The following ABLIM2 variants were observed in gnomAD, a reference collection of about 807,000 sequenced individuals.
ABLIM2 encodes actin-binding LIM protein 2.
Under a neutral mutation model 97.7 loss-of-function variants are expected in ABLIM2, and 53 were observed. That is an observed-to-expected ratio of 0.54 (90% CI 0.44 to 0.68). ABLIM2 has a LOEUF of 0.68. Among genes scored for constraint, ABLIM2 ranks in the 30% least tolerant of loss-of-function variants. The probability of loss-of-function intolerance (pLI) is 0.00; values close to 1 mark genes in which losing one functional copy is unlikely to be tolerated. For missense variants in ABLIM2, 835 were observed against 867.2 expected (o/e 0.96, Z 0.47); for synonymous variants, 361 against 345.8 (o/e 1.04, Z -0.49).
In ABLIM2 at chr4:8,036,155, G is replaced by A. The variant is rs185186442; in HGVS notation, c.1041C>T (p.Tyr347=). 22 of 1,613,774 alleles carry A rather than the reference G, an allele frequency of 1.4e-5. No individual in the cohort carries two copies. Among genetic ancestry groups the A allele is most frequent in the Admixed American group, 8.3e-5 (5 of 60,000 alleles). Residue 347 remains tyrosine, a synonymous_variant, in exon 10 of 21, where the codon TAC becomes TAT. Transcript: ENST00000447017. ...ISHSAGDRQS[Y]GEGDQDDRSY... ...ATGTGGGCAGGGTCCATACCTCGCC[G>A]TAGCTCTGCCTGTCCCCTGCAGAGT...
chr4:8,136,939 G>C (rs1054724295), intron 1 of ABLIM2, among the ~76,000 whole-genome samples: 33 of 152,216 alleles, frequency 2.2e-4, no homozygotes, highest in Non-Finnish European at 1.0e-4. Context: ...ACAAGGCAAT[G>C]TATTAGGAGC....
At chr4:8,080,644 G>A (rs1577331853) in intron 5 of ABLIM2, 32 bp downstream of exon 5, 1 of 1,563,922 alleles carries the variant, frequency 6.4e-7, no homozygotes, top group Non-Finnish European at 8.7e-7. Context: ...AGCCTGAGCG[G>A]AGGCTCTCAC....
chr4:8,080,339 G>A (rs141930164), intron 5 of ABLIM2, among the ~76,000 whole-genome samples: 2 of 152,320 alleles, frequency 1.3e-5, no homozygotes, highest in South Asian at 4.1e-4. Flanking sequence ...ATCCCATGGG[G>A]ATGGTGGAGG....
intron 14 of ABLIM2, among the ~76,000 whole-genome samples, chr4:8,018,422 C>A (rs1042036888): frequency 6.6e-6 from 1 of 152,210 alleles, no homozygotes; most frequent in African/African-American, 2.4e-5. Flanking sequence ...TGGACAATTT[C>A]TAAGGGCCCT....
rs1483094527 is a variant in ABLIM2 at position 8,155,376 on chromosome 4, C to T, written c.10+3304G>A. ...CAGTCTGGGGACTAGGGCTCAGGTT[C>T]GGGCTCTGCCACATCCTCTCCTTGG... On this transcript the variant is annotated intron_variant, in intron 1 of 20. Coordinates refer to ENST00000447017, the MANE Select transcript of ABLIM2 (RefSeq NM_001130083.2). This position sits in a 1 kb window ranked among gnomAD's most constrained non-coding sequence, Gnocchi z 4.2. 2.0e-5 allele frequency among the ~76,000 whole-genome samples: 3 copies of T among 152,178 alleles called. No individual in the cohort carries two copies. Among genetic ancestry groups the T allele is most frequent in the Non-Finnish European group, 2.9e-5 (2 of 68,036 alleles).
At chr4:8,079,569 G>T (rs1183298991) in intron 5 of ABLIM2, among the ~76,000 whole-genome samples, 1 of 152,192 alleles carries the variant, frequency 6.6e-6, no homozygotes, top group African/African-American at 2.4e-5. Context: ...ATGTCTTGAA[G>T]ATCATTGCAG....
chr4:8,102,571 A>G (rs976218756), intron 2 of ABLIM2, among the ~76,000 whole-genome samples: 5 of 152,150 alleles, frequency 3.3e-5, no homozygotes, highest in African/African-American at 1.2e-4. Flanking sequence ...ACTTAGAAAA[A>G]CTGGGTTGAG....
Position 7,986,967 on chromosome 4 carries a change from G to A in ABLIM2, c.1681-2074C>T, listed in dbSNP as rs1457320777. 3.9e-5 allele frequency among the ~76,000 whole-genome samples: 6 copies of A among 152,076 alleles called. No homozygotes were observed. Among genetic ancestry groups the A allele is most frequent in the South Asian group, 2.1e-4 (1 of 4,824 alleles). Reference sequence around the variant, plus strand: ...ATTATAGGCATAAGCCACTGCGCCCGGTCATGCAAATAATTTTTAATTTTT... The same window carrying A: ...ATTATAGGCATAAGCCACTGCGCCCAGTCATGCAAATAATTTTTAATTTTT... On this transcript the variant is annotated intron_variant, in intron 17 of 20. Transcript: ENST00000447017. This position sits in a 1 kb window ranked among gnomAD's most constrained non-coding sequence, Gnocchi z 4.3.
rs572076913 is a variant in ABLIM2 at position 8,072,926 on chromosome 4, A to C, written c.675+4702T>G. ...TTAAAGGCCTTAGGGTTTCCTGCAC[A>C]CAAAGCCCCCGGATCTGCAGAAGAG... On this transcript the variant is annotated intron_variant, in intron 6 of 20. Coordinates refer to ENST00000447017, the MANE Select transcript of ABLIM2 (RefSeq NM_001130083.2). This position sits in a 1 kb window ranked among gnomAD's most constrained non-coding sequence, Gnocchi z 5.8. Among the ~76,000 whole-genome samples the C allele has an allele frequency of 1.3e-5, 2 of 152,160 alleles. No individual in the cohort carries two copies. The highest frequency in any genetic ancestry group is 1.5e-5 in the Non-Finnish European group (1 of 68,026).
intron 3 of ABLIM2, among the ~76,000 whole-genome samples, chr4:8,094,308 C>T (rs1830297082): frequency 6.6e-6 from 1 of 152,154 alleles, no homozygotes; most frequent in African/African-American, 2.4e-5. Flanking sequence ...ATTGCTGCAG[C>T]AGGACAAGCC....
chr4:8,105,949 T>G (rs1465527715), intron 2 of ABLIM2, among the ~76,000 whole-genome samples: 2 of 152,124 alleles, frequency 1.3e-5, no homozygotes, highest in East Asian at 3.8e-4. Flanking sequence ...TTTTTTTTTG[T>G]TTTCCTTTTT....
chr4:8,105,456 G>C (rs1253132528), intron 2 of ABLIM2, among the ~76,000 whole-genome samples: 3 of 152,220 alleles, frequency 2.0e-5, no homozygotes, highest in Admixed American at 6.5e-5. Flanking sequence ...AGCCTTTGTG[G>C]AGCGGATGAA....
chr4:8,108,167 T>A (rs1838390944), intron 1 of ABLIM2, among the ~76,000 whole-genome samples: 1 of 152,234 alleles, frequency 6.6e-6, no homozygotes, highest in Non-Finnish European at 1.5e-5. Context: ...GTGGTCAACC[T>A]GTCAGATAGG....
At chr4:8,051,196 G>A (rs1160387059) in intron 8 of ABLIM2, among the ~76,000 whole-genome samples, 1 of 152,220 alleles carries the variant, frequency 6.6e-6, no homozygotes, top group African/African-American at 2.4e-5. Flanking sequence ...ACCTGGCTGT[G>A]GCCGCGGAGC....
rs182229305 is a variant in ABLIM2 at position 8,001,399 on chromosome 4, G to T, written c.1618+6660C>A. 6.6e-6 allele frequency among the ~76,000 whole-genome samples: 1 copy of T among 152,226 alleles called. No individual in the cohort carries two copies. The highest frequency in any genetic ancestry group is 6.5e-5 in the Admixed American group (1 of 15,302). On this transcript the variant is annotated intron_variant, in intron 16 of 20. Coordinates refer to ENST00000447017, the MANE Select transcript of ABLIM2 (RefSeq NM_001130083.2). The surrounding 1 kb of genome is among the most constrained non-coding windows in gnomAD (Gnocchi z 4.2). ...GGGCAGGGGGAGGTGTGGGGATTCC[G>T]GCTGAAGGCTAGTCCCCAGGCAACC... is the stretch of plus-strand genomic sequence containing the variant.
rs1850825772 is a variant in ABLIM2, at chr4:8,140,571, C to T, written c.10+18109G>A. Among the ~76,000 whole-genome samples the T allele has an allele frequency of 6.6e-6, 1 of 152,146 alleles. No homozygotes were observed. Reference sequence around the variant, plus strand: ...CCTCTCTTTAACCGGCTTCAATGCCCCTTCAAAAACAAACGCGCATTCTGT... The same window carrying T: ...CCTCTCTTTAACCGGCTTCAATGCCTCTTCAAAAACAAACGCGCATTCTGT... On this transcript the variant is annotated intron_variant, in intron 1 of 20. Transcript: ENST00000447017. The surrounding 1 kb of genome is among the most constrained non-coding windows in gnomAD (Gnocchi z 5.9).
chr4:8,135,859 G>A (rs1388917842), intron 1 of ABLIM2, among the ~76,000 whole-genome samples: 1 of 152,226 alleles, frequency 6.6e-6, no homozygotes, highest in African/African-American at 2.4e-5. Flanking sequence ...CTTCACAGGT[G>A]GTGAAGAGCC....
At chr4:8,117,938 C>A (rs1843517325) in intron 1 of ABLIM2, among the ~76,000 whole-genome samples, 1 of 152,252 alleles carries the variant, frequency 6.6e-6, no homozygotes, top group Non-Finnish European at 1.5e-5. Flanking sequence ...TCAAGGGAAT[C>A]AAGCCCCACA....
rs999947551 is a variant in ABLIM2, at chr4:8,058,407, C to T, written c.763+2560G>A. Among the ~76,000 whole-genome samples the T allele has an allele frequency of 3.3e-5, 5 of 152,210 alleles. No homozygotes were observed. Among genetic ancestry groups the T allele is most frequent in the African/African-American group, 1.2e-4 (5 of 41,458 alleles). On this transcript the variant is annotated intron_variant, in intron 7 of 20. Transcript: ENST00000447017. The surrounding 1 kb of genome is among the most constrained non-coding windows in gnomAD (Gnocchi z 4.2). ...TGATCCACGGCCCTGTGACAATGGCCGCATGAGGTCATTCAACAGCCCGCA... is the reference window on the plus strand; with the variant it reads ...TGATCCACGGCCCTGTGACAATGGCTGCATGAGGTCATTCAACAGCCCGCA...
Sources: gnomAD v4.1 joint callset for allele counts (sites outside exome capture counted in the v4.1 genomes callset) on GRCh38, gnomAD v4.1.1 for gene constraint, Gnocchi (gnomAD v3.1) non-coding constraint, MANE v1.5 for transcripts, NCBI Gene and HGNC (gene_info 2026-07-23, HGNC 2026-07-21) for gene names.